The following THOC7 variants were observed in gnomAD, a reference collection of about 807,000 sequenced individuals.
THOC7 encodes NIF3L1-binding protein 1.
A neutral mutation model predicts 33.1 loss-of-function variants in THOC7; 22 were observed. That is an observed-to-expected ratio of 0.66 (90% CI 0.47 to 0.95). The LOEUF (loss-of-function observed/expected upper bound fraction) is 0.95, where lower values mean the gene tolerates loss of function less well. THOC7 is among the 40% of genes least tolerant of loss of function. The pLI is 0.00. For missense variants in THOC7, 184 were observed against 245.3 expected (o/e 0.75, Z 1.67); for synonymous variants, 77 against 76.8 (o/e 1.00, Z -0.01).
intron 1 of THOC7, among the ~76,000 whole-genome samples, chr3:63,851,378 A>T (rs1393267633): frequency 6.6e-6 from 1 of 152,204 alleles, no homozygotes; most frequent in East Asian, 1.9e-4. Context: ...AAAAGGGAAA[A>T]CTGTCAAATA....
At chr3:63,855,840 T>A (rs1702106113) in intron 1 of THOC7, among the ~76,000 whole-genome samples, 1 of 152,206 alleles carries the variant, frequency 6.6e-6, no homozygotes. Context: ...CCTTTCTAAA[T>A]GCAGTTTGGC....
intron 1 of THOC7, among the ~76,000 whole-genome samples, chr3:63,862,237 G>A (rs1168091683): frequency 6.6e-6 from 1 of 152,058 alleles, no homozygotes; most frequent in African/African-American, 2.4e-5. Context: ...AACATCTTGG[G>A]GTCTTTATAC....
intron 1 of THOC7, among the ~76,000 whole-genome samples, chr3:63,862,232 C>T (rs1014945440): frequency 3.9e-5 from 6 of 152,312 alleles, no homozygotes; most frequent in South Asian, 2.1e-4. Flanking sequence ...CTTCCAACAT[C>T]TTGGGGTCTT....
chr3:63,838,224 A>G, intron 3 of THOC7, 148 bp downstream of exon 3: 3 of 906,512 alleles, frequency 3.3e-6, no homozygotes, highest in Non-Finnish European at 1.6e-6. Flanking sequence ...TAGAATACAC[A>G]TTTTTTATAG....
intron 1 of THOC7, among the ~76,000 whole-genome samples, chr3:63,855,843 A>G (rs1309796310): frequency 6.6e-6 from 1 of 152,246 alleles, no homozygotes; most frequent in African/African-American, 2.4e-5. Flanking sequence ...TTCTAAATGC[A>G]GTTTGGCAAA....
At position 63,863,742 on chromosome 3, in the gene THOC7, G is replaced by A. The variant is rs538712826; in HGVS notation, c.19+30C>T. 4.7e-3 allele frequency: 5,832 copies of A among 1,249,496 alleles called. 29 individuals carry two copies. Among genetic ancestry groups the A allele is most frequent in the Non-Finnish European group, 5.5e-3 (5,487 of 1,003,038 alleles). 77.4% of individuals were successfully genotyped at this position (1,249,496 alleles called of 1,614,324 possible). ...GGGGAGGCCCAGCGGGCCGTGCAGC[G>A]GGCGCGTGTGGCGGCGAGCGGGGCC... On this transcript the variant is annotated intron_variant, in intron 1 of 7. Coordinates refer to ENST00000295899, the MANE Select transcript of THOC7 (RefSeq NM_025075.4).
intron 1 of THOC7, among the ~76,000 whole-genome samples, chr3:63,855,891 G>A (rs955995249): frequency 6.6e-6 from 1 of 152,176 alleles, no homozygotes; most frequent in Admixed American, 6.5e-5. Context: ...CACAGGAAGG[G>A]ATAACAATTT....
At chr3:63,845,480 T>C (rs1008623167) in intron 1 of THOC7, among the ~76,000 whole-genome samples, 4 of 152,228 alleles carry the variant, frequency 2.6e-5, no homozygotes. Flanking sequence ...AAATGTGCGT[T>C]ACACTCTCTG....
At chr3:63,849,371 G>C (rs114989717) in intron 1 of THOC7, among the ~76,000 whole-genome samples, 1 of 152,280 alleles carries the variant, frequency 6.6e-6, no homozygotes, top group Non-Finnish European at 1.5e-5. Flanking sequence ...CTGGGTGACA[G>C]AGTAAGACAC....
At chr3:63,842,503 G>A (rs1701787749) in intron 1 of THOC7, among the ~76,000 whole-genome samples, 1 of 152,182 alleles carries the variant, frequency 6.6e-6, no homozygotes, top group African/African-American at 2.4e-5. Flanking sequence ...ATACACCATG[G>A]AATACTACTC....
chr3:63,840,687 G>C (rs575240142), intron 1 of THOC7, among the ~76,000 whole-genome samples: 1 of 152,328 alleles, frequency 6.6e-6, no homozygotes, highest in African/African-American at 2.4e-5. Context: ...CTGAGCTAGT[G>C]TTCTTTCCTG....
At chr3:63,853,070 G>T (rs1184605448) in intron 1 of THOC7, among the ~76,000 whole-genome samples, 1 of 150,504 alleles carries the variant, frequency 6.6e-6, no homozygotes, top group African/African-American at 2.4e-5. Context: ...AGAATTGCTT[G>T]AATCCAGGAG....
intron 1 of THOC7, chr3:63,863,560 G>C: frequency 8.4e-7 from 1 of 1,196,310 alleles, no homozygotes; most frequent in Non-Finnish European, 1.0e-6. Context: ...GGGTCTCCGA[G>C]GGGCGCTCGG....
chr3:63,861,490 T>C (rs909359330), intron 1 of THOC7: 2 of 152,262 alleles, frequency 1.3e-5, no homozygotes, highest in South Asian at 4.1e-4. Flanking sequence ...CATTCCCTCT[T>C]GGTCACAGTC....
At chr3:63,850,869 G>A (rs577050869) in intron 1 of THOC7, among the ~76,000 whole-genome samples, 4 of 152,294 alleles carry the variant, frequency 2.6e-5, no homozygotes, top group African/African-American at 7.2e-5. Context: ...TTACAGGCGT[G>A]AGCCACTGCA....
chr3:63,848,222 T>C (rs991405020), intron 1 of THOC7: 1 of 152,164 alleles, frequency 6.6e-6, no homozygotes, highest in Non-Finnish European at 1.5e-5. Flanking sequence ...AGATTAAGAG[T>C]CTGGCACCTT....
chr3:63,863,372 G>A (rs1279561619), intron 1 of THOC7: 1 of 917,002 alleles, frequency 1.1e-6, no homozygotes, highest in African/African-American at 1.8e-5. Context: ...TCCACCCTTC[G>A]CGGCTCCTGG....
At chr3:63,864,126 G>A (rs1398359223), upstream of THOC7, among the ~76,000 whole-genome samples, 1 of 147,402 alleles carries the variant, frequency 6.8e-6, no homozygotes, top group Non-Finnish European at 1.5e-5. Flanking sequence ...CCCACGCCCA[G>A]AGGCCGCCCC....
intron 2 of THOC7, among the ~76,000 whole-genome samples, chr3:63,838,701 A>C (rs1330120530): frequency 2.6e-5 from 4 of 152,090 alleles, no homozygotes; most frequent in Non-Finnish European, 4.4e-5. Context: ...TTTAGTTACA[A>C]ATGCAAAGGT....
Sources: allele counts gnomAD v4.1 joint callset (sites outside exome capture counted in the v4.1 genomes callset), GRCh38; gene constraint gnomAD v4.1.1; transcripts MANE v1.5; gene names NCBI Gene and HGNC (gene_info 2026-07-23, HGNC 2026-07-21).